GPHN: variants seen among roughly 807,000 people sequenced by gnomAD.
GPHN encodes the protein gephyrin.
In GPHN, 17 loss-of-function variants were observed where a neutral mutation model predicts 95.5. The observed-to-expected ratio is 0.18, with a 90% CI of 0.12 to 0.27. The LOEUF is 0.27. Among genes scored for constraint, GPHN ranks in the 10% least tolerant of loss-of-function variants. GPHN has a pLI of 1.00. For missense variants in GPHN, 660 were observed against 978.1 expected (o/e 0.67, Z 4.34); for synonymous variants, 320 against 322.5 (o/e 0.99, Z 0.08).
At chr14:67,266,578 G>A in the GPHN span, among the ~76,000 whole-genome samples, 54 of 151,748 alleles carry the variant, frequency 3.6e-4, 1 homozygote, top group South Asian at 4.0e-3. Flanking sequence ...CACATGCCTC[G>A]GCCTCCCAAA....
At chr14:67,159,176 GTATCCCCC>G (rs1316997680) in intron 18 of GPHN, among the ~76,000 whole-genome samples, 1 of 152,076 alleles carries the variant, frequency 6.6e-6, no homozygotes, top group Non-Finnish European at 1.5e-5. Context: ...GTTCAAGGCT[GTATCCCCC>G]TACACATAGA....
At chr14:67,556,506 G>A in the GPHN span, among the ~76,000 whole-genome samples, 2 of 152,132 alleles carry the variant, frequency 1.3e-5, no homozygotes, top group Admixed American at 1.3e-4. Context: ...TTGAACTCCT[G>A]GGGTTTAAGC....
At chr14:66,745,409 T>A (rs2058102248) in intron 2 of GPHN, among the ~76,000 whole-genome samples, 1 of 152,116 alleles carries the variant, frequency 6.6e-6, no homozygotes, top group East Asian at 1.9e-4. Flanking sequence ...TCTTATCATA[T>A]GCTGGAAATG....
At chr14:67,717,398 G>A in the GPHN span, among the ~76,000 whole-genome samples, 18,867 of 152,230 alleles carry the variant, frequency 0.12, 1,210 homozygotes, top group Admixed American at 0.15. Context: ...TCTAAGGACA[G>A]AAGGATTAGT....
At chr14:66,645,719 T>A (rs1021640894) in intron 1 of GPHN, among the ~76,000 whole-genome samples, 6 of 151,848 alleles carry the variant, frequency 4.0e-5, no homozygotes, top group African/African-American at 9.7e-5. Context: ...AAATTTTTTT[T>A]AAAGTTATTT....
the GPHN span, among the ~76,000 whole-genome samples, chr14:67,573,095 T>C: frequency 4.6e-5 from 7 of 152,210 alleles, no homozygotes; most frequent in Admixed American, 6.5e-5. The surrounding 1 kb of genome is among the most constrained non-coding windows in gnomAD (Gnocchi z 4.8). Context: ...CCATGTTTTA[T>C]TTAGTCCTCT....
the GPHN span, among the ~76,000 whole-genome samples, chr14:67,228,711 A>T: frequency 1.3e-5 from 2 of 152,112 alleles, no homozygotes; most frequent in South Asian, 2.1e-4. Context: ...TGATGGAAAA[A>T]TTTGTTATTC....
the GPHN span, among the ~76,000 whole-genome samples, chr14:67,560,079 T>C: frequency 5.0e-4 from 76 of 152,230 alleles, no homozygotes; most frequent in African/African-American, 1.7e-3. Context: ...CAGGCTGGAG[T>C]GTAGTGGCGC....
the GPHN span, chr14:67,648,108 G>C: frequency 6.2e-7 from 1 of 1,613,976 alleles, no homozygotes; most frequent in Non-Finnish European, 8.5e-7. Context: ...ACTGGCTCCA[G>C]CCACAGGAAC....
the GPHN span, among the ~76,000 whole-genome samples, chr14:67,661,278 C>CAAAAA: frequency 1.6e-4 from 9 of 56,448 alleles, no homozygotes; most frequent in East Asian, 6.6e-4. Context: ...AGGGCTAGAG[C>CAAAAA]AAAAAAAAAA....
chr14:67,261,833 T>C, the GPHN span, among the ~76,000 whole-genome samples: 4 of 152,144 alleles, frequency 2.6e-5, no homozygotes, highest in Non-Finnish European at 4.4e-5. Context: ...AATAAACTTG[T>C]AGTCTGTTAG....
At chr14:66,882,322 A>G (rs890520567) in intron 5 of GPHN, among the ~76,000 whole-genome samples, 5 of 151,842 alleles carry the variant, frequency 3.3e-5, no homozygotes, top group Non-Finnish European at 7.4e-5. Flanking sequence ...CCATAGTTCT[A>G]TAGCATGTTT....
At chr14:66,932,336 A>G (rs530771836) in intron 8 of GPHN, among the ~76,000 whole-genome samples, 1 of 147,946 alleles carries the variant, frequency 6.8e-6, no homozygotes, top group East Asian at 2.2e-4. Context: ...CCAGCCCAGT[A>G]CTGGGTCTTG....
intron 11 of GPHN, among the ~76,000 whole-genome samples, chr14:67,073,072 T>A (rs2076370039): frequency 6.6e-6 from 1 of 152,112 alleles, no homozygotes; most frequent in African/African-American, 2.4e-5. Context: ...AAACTTTGTT[T>A]TTTTAATTAA....
At chr14:67,260,537 A>T in the GPHN span, among the ~76,000 whole-genome samples, 4 of 152,224 alleles carry the variant, frequency 2.6e-5, no homozygotes, top group African/African-American at 9.6e-5. Flanking sequence ...GCAAAGGCGT[A>T]GATTAAGTAC....
At chr14:67,352,685 A>G in the GPHN span, 1 of 374,588 alleles carries the variant, frequency 2.7e-6, no homozygotes, top group Non-Finnish European at 4.8e-6. Context: ...TGCTCTAAAT[A>G]AGGTAAGAGA....
intron 1 of GPHN, among the ~76,000 whole-genome samples, chr14:66,630,872 G>A (rs1197127010): frequency 6.6e-6 from 1 of 151,552 alleles, no homozygotes; most frequent in Non-Finnish European, 1.5e-5. Flanking sequence ...GATCATAGCT[G>A]TCACTAACAA....
At chr14:66,940,466 T>C (rs1218397671) in intron 8 of GPHN, among the ~76,000 whole-genome samples, 1 of 152,108 alleles carries the variant, frequency 6.6e-6, no homozygotes, top group Non-Finnish European at 1.5e-5. Flanking sequence ...TGCAACAGGG[T>C]GCCACCCATA....
the GPHN span, among the ~76,000 whole-genome samples, chr14:67,247,035 G>T: frequency 3.9e-5 from 6 of 152,118 alleles, no homozygotes; most frequent in African/African-American, 1.4e-4. Context: ...ACTATTTTTA[G>T]TTCCTTTGCT....
Sources: allele counts gnomAD v4.1 joint callset (sites outside exome capture counted in the v4.1 genomes callset), GRCh38; gene constraint gnomAD v4.1.1; non-coding constraint Gnocchi (gnomAD v3.1); transcripts MANE v1.5; gene names NCBI Gene and HGNC (gene_info 2026-07-23, HGNC 2026-07-21).